The following ERBIN variants were observed in gnomAD, a reference collection of about 807,000 sequenced individuals.
The protein encoded by ERBIN is erbb2 interacting protein, also known as densin-180-like protein.
A neutral mutation model predicts 158.4 loss-of-function variants in ERBIN; 60 were observed. The ratio of observed to expected loss-of-function variants is 0.38; its 90% CI spans 0.31 to 0.47. The LOEUF is 0.47. Ranked by LOEUF, ERBIN falls within the 20% of genes least tolerant of loss-of-function variation. The pLI, the probability that ERBIN is intolerant of heterozygous loss-of-function variation, is 0.99. For missense variants in ERBIN, 1,610 were observed against 1,648.0 expected, an observed-to-expected ratio of 0.98 and a Z score of 0.40; for synonymous variants, 594 against 557.2, an observed-to-expected ratio of 1.07 and a Z score of -0.93.
intron 1 of ERBIN, among the ~76,000 whole-genome samples, chr5:65,971,734 G>C (rs1166642003): frequency 6.6e-6 from 1 of 152,094 alleles, no homozygotes; most frequent in Non-Finnish European, 1.5e-5. Flanking sequence ...ATAGATTATG[G>C]CTTCAGATGT....
intron 1 of ERBIN, among the ~76,000 whole-genome samples, chr5:65,983,602 C>A (rs1288195694): frequency 6.6e-6 from 1 of 152,214 alleles, no homozygotes; most frequent in African/African-American, 2.4e-5. Flanking sequence ...TGATCTTACA[C>A]AACCACTAAA....
intron 1 of ERBIN, among the ~76,000 whole-genome samples, chr5:65,960,090 A>G (rs983421868): frequency 6.6e-6 from 1 of 152,266 alleles, no homozygotes; most frequent in African/African-American, 2.4e-5. Context: ...CTCTGCTGTC[A>G]GTCAGCAGAA....
chr5:66,075,523 G>T (rs1274940870), intron 23 of ERBIN, among the ~76,000 whole-genome samples: 2 of 152,088 alleles, frequency 1.3e-5, no homozygotes, highest in Non-Finnish European at 2.9e-5. Context: ...ATAAATAGGA[G>T]ACCATTAAGC....
At chr5:65,959,990 C>G (rs1266169638) in intron 1 of ERBIN, among the ~76,000 whole-genome samples, 1 of 152,186 alleles carries the variant, frequency 6.6e-6, no homozygotes, top group Non-Finnish European at 1.5e-5. Context: ...CAGTTCCACT[C>G]CTAGGTATTT....
At chr5:66,053,305 C>A in intron 20 of ERBIN, 101 bp from the exon 21 acceptor site, 2 of 645,286 alleles carry the variant, frequency 3.1e-6, no homozygotes, top group East Asian at 2.9e-5. Context: ...CTTTTATTAA[C>A]TTTTTTAACT....
At chr5:66,025,441 T>G in intron 10 of ERBIN, 39 bp from the exon 11 acceptor site, 1 of 1,509,486 alleles carries the variant, frequency 6.6e-7, no homozygotes, top group East Asian at 2.3e-5. Flanking sequence ...TGCTTCTATT[T>G]TAAGCTGAAA....
In ERBIN at chr5:66,055,100, C is replaced by T. The variant is rs1337466957; in HGVS notation, c.3633+149C>T. 6 of 1,408,312 alleles carry T rather than the reference C, an allele frequency of 4.3e-6. No individual in the cohort carries two copies. In the African/African-American group the frequency reaches 7.2e-5, roughly 17 times the overall value. 87.2% of individuals were successfully genotyped at this position (1,408,312 alleles called of 1,614,324 possible). A position where few individuals can be genotyped will look rare whatever the true frequency, so the allele number is the denominator to read the frequency against. On this transcript the variant is annotated intron_variant, in intron 21 of 25. Transcript: ENST00000284037. ...CTGGGAATAGAGTTCCAAATTTAAACTCAGCCAGGACAATTGGGATGATAA... is the reference window on the plus strand; with the variant it reads ...CTGGGAATAGAGTTCCAAATTTAAATTCAGCCAGGACAATTGGGATGATAA...
rs1197700853 is a variant in ERBIN, at chr5:65,973,396, G to A, written c.-57-15239G>A. 1.3e-5 allele frequency among the ~76,000 whole-genome samples: 2 copies of A among 150,392 alleles called. 1 individual carries two copies. Among genetic ancestry groups the A allele is most frequent in the African/African-American group, 5.0e-5 (2 of 40,196 alleles). ...GGGCACATGTACCCTAGAACTTAAA[G>A]TATAATAAAAATAAAATAATAAAAT... On this transcript the variant is annotated intron_variant, in intron 1 of 25. Coordinates refer to ENST00000284037, the MANE Select transcript of ERBIN (RefSeq NM_001253697.2).
Position 66,054,646 on chromosome 5 carries a change from T to C in ERBIN, c.3328T>C (p.Phe1110Leu). Residue 1110 changes from phenylalanine to leucine, a missense_variant, in exon 21 of 26, where the codon TTC (phenylalanine) becomes CTC (leucine). This residue lies in a region of ERBIN where 1,014 missense variants were observed against 936.1 expected (regional missense o/e 1.08). Transcript: ENST00000284037. ...PEGDYLSYREFHSAGRTPPMM... is the reference protein window; with the variant it reads ...PEGDYLSYRELHSAGRTPPMM... The stretch of plus-strand genomic sequence containing the variant: ...AGGAGATTATTTATCATACAGAGAG[T>C]TCCACTCAGCGGGAAGAACTCCTCC... 6.2e-7 allele frequency: 1 copy of C among 1,613,626 alleles called. No homozygotes were observed. Among genetic ancestry groups the C allele is most frequent in the Non-Finnish European group, 8.5e-7 (1 of 1,179,856 alleles).
intron 18 of ERBIN, 95 bp from the exon 19 acceptor site, chr5:66,048,567 TTATAA>T: frequency 1.4e-6 from 1 of 700,598 alleles, no homozygotes; most frequent in Non-Finnish European, 2.5e-6. Context: ...TAATATGTGT[TTATAA>T]TATTTGTTTT....
chr5:66,051,908 A>AG (rs397736059), intron 20 of ERBIN, among the ~76,000 whole-genome samples: 1 of 146,140 alleles, frequency 6.8e-6, no homozygotes, highest in Non-Finnish European at 1.5e-5. Flanking sequence ...AAAAAAAAAA[A>AG]GAGACAGATT....
intron 10 of ERBIN, 51 bp from the exon 11 acceptor site, chr5:66,025,429 C>A: frequency 7.3e-7 from 1 of 1,368,362 alleles, no homozygotes; most frequent in Non-Finnish European, 1.0e-6. Flanking sequence ...TGTTGGTGGA[C>A]TTGCTTCTAT....
intron 1 of ERBIN, among the ~76,000 whole-genome samples, chr5:65,973,884 A>G (rs1433407213): frequency 1.3e-5 from 2 of 151,356 alleles, no homozygotes; most frequent in Non-Finnish European, 2.9e-5. Flanking sequence ...GAAAAAAATT[A>G]GGTGCTGACT....
At chr5:66,019,516 G>C (rs1306179856) in intron 7 of ERBIN, among the ~76,000 whole-genome samples, 1 of 152,148 alleles carries the variant, frequency 6.6e-6, no homozygotes, top group African/African-American at 2.4e-5. Flanking sequence ...TTCTCCTTGA[G>C]AGAGGCAGCT....
At position 66,072,303 on chromosome 5, in the gene ERBIN, G is replaced by A; in HGVS notation, c.3756+12G>A. On this transcript the variant is annotated intron_variant, in intron 22 of 25. Transcript: ENST00000284037. ...ACAGCTTGATGAAAGTGGGTGCTCG[G>A]GAAAACAAAATGTAGTATCTGTGAG... The A allele has an allele frequency of 6.5e-7, 1 of 1,549,250 alleles. No individual in the cohort carries two copies.
intron 21 of ERBIN, among the ~76,000 whole-genome samples, chr5:66,065,802 C>A (rs1760931921): frequency 6.6e-6 from 1 of 152,060 alleles, no homozygotes; most frequent in African/African-American, 2.4e-5. Flanking sequence ...AAAAGCTGGT[C>A]TGAAGAATTT....
chr5:66,030,416 T>A (rs1268666852), intron 14 of ERBIN, among the ~76,000 whole-genome samples: 1 of 152,158 alleles, frequency 6.6e-6, no homozygotes, highest in East Asian at 1.9e-4. Flanking sequence ...TTGAATAGTA[T>A]ATGTTTAAAC....
At chr5:65,980,411 A>C (rs183841433) in intron 1 of ERBIN, among the ~76,000 whole-genome samples, 50 of 152,258 alleles carry the variant, frequency 3.3e-4, no homozygotes, top group Middle Eastern at 3.4e-3. Context: ...CTGGATAACA[A>C]AGCAAGACTC....
intron 7 of ERBIN, among the ~76,000 whole-genome samples, chr5:66,017,210 A>G (rs185185): frequency 2.0e-4 from 31 of 152,250 alleles, no homozygotes; most frequent in African/African-American, 6.7e-4. Context: ...ATATATACCC[A>G]ATAGTGGAAT....
Sources: gnomAD v4.1 joint callset for allele counts (sites outside exome capture counted in the v4.1 genomes callset) on GRCh38, gnomAD v4.1.1 for gene constraint, gnomAD v4.1.1 regional missense constraint, MANE v1.5 for transcripts, NCBI Gene and HGNC (gene_info 2026-07-23, HGNC 2026-07-21) for gene names.